The following REEP1 variants were observed in gnomAD, a reference collection of about 807,000 sequenced individuals.
The protein encoded by REEP1 is receptor expression-enhancing protein 1.
A neutral mutation model predicts 40.3 loss-of-function variants in REEP1; 22 were observed. The observed-to-expected ratio is 0.55, with a 90% CI of 0.39 to 0.78. The LOEUF (loss-of-function observed/expected upper bound fraction) is 0.78, where lower values mean the gene tolerates loss of function less well. REEP1 is among the 30% of genes least tolerant of loss of function. REEP1 has a pLI of 0.00. For missense variants in REEP1, 280 were observed against 361.1 expected (o/e 0.78, Z 1.82); for synonymous variants, 116 against 139.2 (o/e 0.83, Z 1.17).
chr2:86,259,838 C>T (rs1395548734), intron 3 of REEP1, among the ~76,000 whole-genome samples: 4 of 152,076 alleles, frequency 2.6e-5, no homozygotes, highest in African/African-American at 7.2e-5. Flanking sequence ...AAAAGGGATC[C>T]GCCCTAGGGG....
intron 1 of REEP1, among the ~76,000 whole-genome samples, chr2:86,283,791 G>A (rs1010127657): frequency 3.9e-5 from 6 of 152,146 alleles, no homozygotes; most frequent in African/African-American, 4.8e-5. Context: ...TCCAATGCAC[G>A]GAGCAGCCAG....
chr2:86,337,174 A>C lies in REEP1; in HGVS notation c.32+305T>G. ...CTCTGCAAATCGACCGAGCTGAGGA[A>C]CAAAGCGGCCAGCGCGCGGCGAGAC... On this transcript the variant is annotated intron_variant, in intron 1 of 8. Coordinates refer to ENST00000538924, the MANE Select transcript of REEP1 (RefSeq NM_001371279.1). The surrounding 1 kb of genome is among the most constrained non-coding windows in gnomAD (Gnocchi z 5.8). The C allele has an allele frequency of 1.2e-5, 2 of 171,548 alleles. No individual in the cohort carries two copies. Among genetic ancestry groups the C allele is most frequent in the Non-Finnish European group, 1.2e-5 (1 of 81,024 alleles). 10.6% of individuals were successfully genotyped at this position (171,548 alleles called of 1,614,324 possible). A position where few individuals can be genotyped will look rare whatever the true frequency, so the allele number is the denominator to read the frequency against.
chr2:86,301,186 T>C lies in REEP1; in HGVS notation c.33-18944A>G, dbSNP rs778406089. ...TCATCCGCATTCTCTTTGAAGCTCC[T>C]TGGAGCGGGCTCTAAGTGCTTCTCA... On this transcript the variant is annotated intron_variant, in intron 1 of 8. Coordinates refer to ENST00000538924, the MANE Select transcript of REEP1 (RefSeq NM_001371279.1). Among the ~76,000 whole-genome samples, 129 of 152,236 alleles carry C rather than the reference T, an allele frequency of 8.5e-4. 2 individuals carry two copies. Among genetic ancestry groups the C allele is most frequent in the Non-Finnish European group, 2.1e-4 (14 of 68,038 alleles).
At chr2:86,299,697 A>G (rs1415156962) in intron 1 of REEP1, among the ~76,000 whole-genome samples, 1 of 152,210 alleles carries the variant, frequency 6.6e-6, no homozygotes, top group Non-Finnish European at 1.5e-5. Context: ...GTAGCAATTA[A>G]TATTGGCTAC....
At chr2:86,242,021 C>G (rs1056464448) in intron 5 of REEP1, among the ~76,000 whole-genome samples, 1 of 152,064 alleles carries the variant, frequency 6.6e-6, no homozygotes, top group African/African-American at 2.4e-5. Context: ...AATGCCAGGG[C>G]CTGACTTTTT....
At position 86,222,973 on chromosome 2, in the gene REEP1, A is replaced by T. The variant is rs1469678917; in HGVS notation, c.632-2852T>A. On this transcript the variant is annotated intron_variant, in intron 7 of 8. Transcript: ENST00000538924. ...TTACCCCTGGCAACAGGCCTGAAAG[A>T]GTATTGCTATCCACATCTTAGTACT... Among the ~76,000 whole-genome samples, 5 of 152,312 alleles carry T rather than the reference A, an allele frequency of 3.3e-5. No homozygotes were observed. In the South Asian group the frequency reaches 8.3e-4, roughly 25 times the overall value.
intron 3 of REEP1, among the ~76,000 whole-genome samples, chr2:86,262,825 A>G (rs979027301): frequency 6.6e-6 from 1 of 152,224 alleles, no homozygotes; most frequent in African/African-American, 2.4e-5. Context: ...TTTAATACAC[A>G]TTCACATGTG....
At chr2:86,238,610 G>C (rs1379517900) in intron 5 of REEP1, among the ~76,000 whole-genome samples, 4 of 152,188 alleles carry the variant, frequency 2.6e-5, no homozygotes, top group Admixed American at 6.5e-5. Context: ...GCATCAGCCA[G>C]GGTCCCAGAC....
At chr2:86,336,472 T>G (rs547365606) in intron 1 of REEP1, among the ~76,000 whole-genome samples, 1 of 152,022 alleles carries the variant, frequency 6.6e-6, no homozygotes, top group East Asian at 1.9e-4. Context: ...AAGCCCGAGG[T>G]GCCTGCCACC....
Position 86,226,075 on chromosome 2 carries a change from T to TCACCACCACCACCACCACCACCACCAC in REEP1, c.631+1261_631+1287dup, listed in dbSNP as rs70956105. On this transcript the variant is annotated intron_variant, in intron 7 of 8. Transcript: ENST00000538924. ...GGGGTCTCCTGGATGCTCCAGGCTATCACCACCACCACCACCACCACCACC... is the reference window on the plus strand; with the variant it reads ...GGGGTCTCCTGGATGCTCCAGGCTATCACCACCACCACCACCACCACCACCACCACCACCACCACCACCACCACCACC... 4.9e-4 allele frequency among the ~76,000 whole-genome samples: 55 copies of TCACCACCACCACCACCACCACCACCAC among 111,876 alleles called. 1 individual carries two copies. The highest frequency in any genetic ancestry group is 8.6e-4 in the Non-Finnish European group (45 of 52,574). The allele number at this position is 111,876 out of a possible 152,430, so 73.4% of individuals were successfully genotyped here.
intron 5 of REEP1, among the ~76,000 whole-genome samples, chr2:86,242,959 T>A (rs920117562): frequency 6.6e-6 from 1 of 151,954 alleles, no homozygotes; most frequent in Admixed American, 6.6e-5. Context: ...TTCATTATCA[T>A]CAGAATGGTG....
intron 6 of REEP1, among the ~76,000 whole-genome samples, chr2:86,229,226 A>T (rs1038498709): frequency 6.6e-6 from 1 of 152,216 alleles, no homozygotes; most frequent in Non-Finnish European, 1.5e-5. Flanking sequence ...GCCAAGGCCA[A>T]ATCTATGGTA....
rs567337336 is a variant in REEP1 at position 86,335,671 on chromosome 2, A to C, written c.32+1808T>G. Among the ~76,000 whole-genome samples, 3 of 152,236 alleles carry C rather than the reference A, an allele frequency of 2.0e-5. No individual in the cohort carries two copies. In the South Asian group the frequency reaches 6.2e-4, roughly 32 times the overall value. ...CAAGACCAGGCTGGCCAACATGGTG[A>C]AACCCCGTCTCTACTAAAAATACAA... On this transcript the variant is annotated intron_variant, in intron 1 of 8. Transcript: ENST00000538924.
At chr2:86,299,160 T>C (rs1679146669) in intron 1 of REEP1, among the ~76,000 whole-genome samples, 1 of 152,246 alleles carries the variant, frequency 6.6e-6, no homozygotes, top group Non-Finnish European at 1.5e-5. Flanking sequence ...TGCTAATTCC[T>C]GTCTACTCAT....
In REEP1 at chr2:86,288,301, C is replaced by T. The variant is rs527743796; in HGVS notation, c.33-6059G>A. Among the ~76,000 whole-genome samples the T allele has an allele frequency of 4.9e-4, 74 of 152,282 alleles. 1 individual carries two copies. In the South Asian group the frequency reaches 0.015, roughly 30 times the overall value. On this transcript the variant is annotated intron_variant, in intron 1 of 8. Coordinates refer to ENST00000538924, the MANE Select transcript of REEP1 (RefSeq NM_001371279.1). ...GCCTCCCAAATGCTAGGATTACAGGCGTGAGCCACAGCACCCAGCCTAAAA... is the reference window on the plus strand; with the variant it reads ...GCCTCCCAAATGCTAGGATTACAGGTGTGAGCCACAGCACCCAGCCTAAAA...
chr2:86,237,334 G>A lies in REEP1; in HGVS notation c.418-4532C>T, dbSNP rs548294466. ...ATGAAAATCCCAGAAACAACAGCTC[G>A]ACATCACCCAACACACTAGAAGGAA... On this transcript the variant is annotated intron_variant, in intron 5 of 8. Transcript: ENST00000538924. 7.2e-5 allele frequency among the ~76,000 whole-genome samples: 11 copies of A among 152,226 alleles called. No homozygotes were observed. The South Asian group carries it at 1.0e-3, about 14-fold the overall frequency.
intron 1 of REEP1, among the ~76,000 whole-genome samples, chr2:86,283,881 C>A (rs1678238197): frequency 6.6e-6 from 1 of 152,142 alleles, no homozygotes; most frequent in Non-Finnish European, 1.5e-5. Context: ...CTCCTCCAAG[C>A]CTGGCTTCTT....
chr2:86,337,713 G>C (rs1440030210), upstream of REEP1: 29 of 943,908 alleles, frequency 3.1e-5, no homozygotes, highest in Middle Eastern at 5.3e-4. This position sits in a 1 kb window ranked among gnomAD's most constrained non-coding sequence, Gnocchi z 5.8. Flanking sequence ...CCAGCCCCCC[G>C]GGGCTCGGCG....
intron 1 of REEP1, among the ~76,000 whole-genome samples, chr2:86,296,911 A>C (rs1313215974): frequency 6.6e-6 from 1 of 152,232 alleles, no homozygotes; most frequent in Non-Finnish European, 1.5e-5. Context: ...AACAAGCCTC[A>C]TGCAAATTGT....
Sources: gnomAD v4.1 joint callset for allele counts (sites outside exome capture counted in the v4.1 genomes callset) on GRCh38, gnomAD v4.1.1 for gene constraint, Gnocchi (gnomAD v3.1) non-coding constraint, MANE v1.5 for transcripts, NCBI Gene and HGNC (gene_info 2026-07-23, HGNC 2026-07-21) for gene names.